The following RFX3 variants were observed in gnomAD, a reference collection of about 807,000 sequenced individuals.
RFX3 encodes the protein transcription factor RFX3.
RFX3 carries 14 observed loss-of-function variants against 98.6 expected under a neutral mutation model. The ratio of observed to expected loss-of-function variants is 0.14; its 90% CI spans 0.09 to 0.22. The LOEUF (loss-of-function observed/expected upper bound fraction) is 0.22, where lower values mean the gene tolerates loss of function less well. Ranked by LOEUF, RFX3 falls within the 10% of genes least tolerant of loss-of-function variation. The probability of loss-of-function intolerance (pLI) is 1.00; values close to 1 mark genes in which losing one functional copy is unlikely to be tolerated. For synonymous variants in RFX3, 383 were observed against 328.4 expected (o/e 1.17, Z -1.80); for missense variants, 639 against 926.9 (o/e 0.69, Z 4.03).
At chr9:3,485,949 A>G (rs1445965980) in intron 1 of RFX3, among the ~76,000 whole-genome samples, 1 of 151,748 alleles carries the variant, frequency 6.6e-6, no homozygotes, top group Non-Finnish European at 1.5e-5. Flanking sequence ...ACGTGGAGAA[A>G]CCCTGTCTCC....
chr9:3,317,299 G>A (rs1467143670), intron 4 of RFX3, among the ~76,000 whole-genome samples: 1 of 152,170 alleles, frequency 6.6e-6, no homozygotes, highest in Non-Finnish European at 1.5e-5. Context: ...ATGGTGCTGG[G>A]AAAACTGGCT....
At position 3,224,675 on chromosome 9, in the gene RFX3, A is replaced by T. The variant is rs1166678133; in HGVS notation, c.*367T>A. ...ATATTTCACAGAAGTGCATCTAATTAAAAAACTTACACATGAAATCATACA... is the reference window on the plus strand; with the variant it reads ...ATATTTCACAGAAGTGCATCTAATTTAAAAACTTACACATGAAATCATACA... On this transcript the variant is annotated 3_prime_UTR_variant, in exon 17 of 17. Transcript: ENST00000617270. The T allele has an allele frequency of 5.8e-6, 1 of 172,462 alleles. No individual in the cohort carries two copies. Among genetic ancestry groups the T allele is most frequent in the Admixed American group, 5.6e-5 (1 of 17,802 alleles). 10.7% of individuals were successfully genotyped at this position (172,462 alleles called of 1,614,324 possible). A position where few individuals can be genotyped will look rare whatever the true frequency, so the allele number is the denominator to read the frequency against.
intron 9 of RFX3, among the ~76,000 whole-genome samples, chr9:3,273,683 G>A (rs960451807): frequency 6.6e-6 from 1 of 152,014 alleles, no homozygotes; most frequent in African/African-American, 2.4e-5. Flanking sequence ...GGCCAACACA[G>A]TGAAACCCCA....
intron 4 of RFX3, among the ~76,000 whole-genome samples, chr9:3,321,253 T>C (rs993628477): frequency 1.3e-5 from 2 of 152,152 alleles, no homozygotes; most frequent in African/African-American, 2.4e-5. Context: ...AGTTTTTATG[T>C]AGCATTTCAT....
chr9:3,511,423 T>A (rs1360642930), intron 1 of RFX3, among the ~76,000 whole-genome samples: 2 of 151,802 alleles, frequency 1.3e-5, no homozygotes, highest in African/African-American at 4.8e-5. Flanking sequence ...CTCAGTCAAA[T>A]AAAAAAACTA....
Position 3,423,393 on chromosome 9 carries a change from G to C in RFX3, c.-8-27797C>G, listed in dbSNP as rs371919256. Among the ~76,000 whole-genome samples the C allele has an allele frequency of 8.0e-4, 122 of 152,222 alleles. 3 individuals are homozygous for C. The South Asian group carries it at 0.024, about 30-fold the overall frequency. On this transcript the variant is annotated intron_variant, in intron 1 of 16. Transcript: ENST00000617270. ...AAACTGAAAACCAAATATACATCAA[G>C]AGGTGAATGGACAAACTGTAGTATA...
intron 4 of RFX3, among the ~76,000 whole-genome samples, chr9:3,325,733 G>C (rs1831837027): frequency 6.6e-6 from 1 of 151,982 alleles, no homozygotes; most frequent in African/African-American, 2.4e-5. Context: ...GTTGTGATGA[G>C]CACCAAAAAA....
chr9:3,524,502 A>G (rs1179877072), intron 1 of RFX3: 30 of 982,630 alleles, frequency 3.1e-5, no homozygotes, highest in Non-Finnish European at 3.6e-5. Context: ...GAACCTTCAT[A>G]CATTCTTTAT....
intron 7 of RFX3, among the ~76,000 whole-genome samples, chr9:3,286,232 A>C (rs1173060080): frequency 6.6e-6 from 1 of 151,854 alleles, no homozygotes; most frequent in Non-Finnish European, 1.5e-5. Context: ...GCTGCCATTA[A>C]CAGATGCAAA....
intron 2 of RFX3, among the ~76,000 whole-genome samples, chr9:3,380,774 C>T (rs1043725091): frequency 6.6e-6 from 1 of 152,126 alleles, no homozygotes; most frequent in Non-Finnish European, 1.5e-5. Flanking sequence ...ATATTTTCCA[C>T]GTGAAATAAA....
chr9:3,398,154 G>C (rs1012166329), intron 1 of RFX3, among the ~76,000 whole-genome samples: 3 of 151,938 alleles, frequency 2.0e-5, no homozygotes, highest in Non-Finnish European at 4.4e-5. Flanking sequence ...CACAATCTTT[G>C]AACCAGCATT....
intron 1 of RFX3, among the ~76,000 whole-genome samples, chr9:3,523,115 G>C (rs1443830112): frequency 1.3e-5 from 2 of 152,042 alleles, no homozygotes; most frequent in East Asian, 1.9e-4. Context: ...ACAATTCATA[G>C]GCAAAACACA....
chr9:3,261,352 T>C (rs1441170957), intron 13 of RFX3, among the ~76,000 whole-genome samples: 4 of 152,114 alleles, frequency 2.6e-5, no homozygotes, highest in African/African-American at 9.7e-5. Context: ...TCTGTCTGTA[T>C]AGATGTATCT....
At chr9:3,394,389 G>T (rs1212353054) in intron 2 of RFX3, among the ~76,000 whole-genome samples, 1 of 152,154 alleles carries the variant, frequency 6.6e-6, no homozygotes, top group Non-Finnish European at 1.5e-5. Context: ...TGTGAACCCG[G>T]GAGGCAGAGC....
intron 14 of RFX3, among the ~76,000 whole-genome samples, chr9:3,250,440 G>C (rs1256188935): frequency 6.6e-6 from 1 of 151,944 alleles, no homozygotes; most frequent in African/African-American, 2.4e-5. Context: ...AATCTATAAA[G>C]CTGTCAGAGG....
chr9:3,417,766 C>A (rs981669809), intron 1 of RFX3, among the ~76,000 whole-genome samples: 1 of 152,046 alleles, frequency 6.6e-6, no homozygotes, highest in African/African-American at 2.4e-5. Context: ...ATCATAAATT[C>A]ATAAAATACT....
At chr9:3,512,542 C>G (rs917807454) in intron 1 of RFX3, among the ~76,000 whole-genome samples, 1 of 151,638 alleles carries the variant, frequency 6.6e-6, no homozygotes, top group Admixed American at 6.6e-5. Flanking sequence ...AATATATTAC[C>G]TTGTAATAAT....
intron 9 of RFX3, among the ~76,000 whole-genome samples, chr9:3,273,797 G>A (rs905114961): frequency 4.0e-5 from 6 of 151,130 alleles, no homozygotes; most frequent in Admixed American, 6.6e-5. Context: ...CCCAGGAGGC[G>A]GTGGTTGCAG....
At chr9:3,512,292 T>G (rs1387442746) in intron 1 of RFX3, among the ~76,000 whole-genome samples, 2 of 152,024 alleles carry the variant, frequency 1.3e-5, no homozygotes, top group Non-Finnish European at 2.9e-5. Context: ...ATTATATAGC[T>G]TTAGAGCAAT....
Sources: gnomAD v4.1 joint callset for allele counts (sites outside exome capture counted in the v4.1 genomes callset) on GRCh38, gnomAD v4.1.1 for gene constraint, MANE v1.5 for transcripts, NCBI Gene and HGNC (gene_info 2026-07-23, HGNC 2026-07-21) for gene names.